FGF12: variants seen among roughly 807,000 people sequenced by gnomAD.
FGF12 encodes fibroblast growth factor 12B.
A neutral mutation model predicts 23.6 loss-of-function variants in FGF12; 14 were observed. That is an observed-to-expected ratio of 0.59 (90% CI 0.39 to 0.93). FGF12 has a LOEUF of 0.93. FGF12 is among the 40% of genes least tolerant of loss of function. The pLI, the probability that FGF12 is intolerant of heterozygous loss-of-function variation, is 0.00. For synonymous variants in FGF12, 62 were observed against 77.3 expected (o/e 0.80, Z 1.04); for missense variants, 175 against 217.8 (o/e 0.80, Z 1.24).
chr3:192,341,535 A>G, intron 3 of FGF12, among the ~76,000 whole-genome samples: 1 of 152,152 alleles, frequency 6.6e-6, no homozygotes, highest in South Asian at 2.1e-4. Flanking sequence ...ATATTTTCTC[A>G]GTCTAAATAC....
At chr3:192,189,269 A>G (rs1269475791) in intron 4 of FGF12, among the ~76,000 whole-genome samples, 1 of 152,202 alleles carries the variant, frequency 6.6e-6, no homozygotes, top group Non-Finnish European at 1.5e-5. Context: ...AGACAATATT[A>G]ATTAGATAAT....
intron 4 of FGF12, among the ~76,000 whole-genome samples, chr3:192,309,688 G>A (rs749798928): frequency 6.6e-6 from 1 of 152,158 alleles, no homozygotes; most frequent in Admixed American, 6.5e-5. Flanking sequence ...GATAAATAAC[G>A]ATGACAGAGA....
At chr3:192,497,765 A>T (rs889045712) in intron 2 of FGF12, among the ~76,000 whole-genome samples, 2 of 152,134 alleles carry the variant, frequency 1.3e-5, no homozygotes, top group African/African-American at 4.8e-5. Flanking sequence ...AAACTGCTCT[A>T]TCCAAAGAGT....
chr3:192,396,330 A>G (rs1720516258), intron 2 of FGF12, among the ~76,000 whole-genome samples: 1 of 152,198 alleles, frequency 6.6e-6, no homozygotes, highest in African/African-American at 2.4e-5. Flanking sequence ...ATATACAAAT[A>G]CTCAATGGGT....
chr3:192,465,251 T>C (rs1008338213), intron 2 of FGF12, among the ~76,000 whole-genome samples: 2 of 152,204 alleles, frequency 1.3e-5, no homozygotes. Context: ...AAGACTTAAC[T>C]TTTCAAAGAA....
At chr3:192,255,024 G>A (rs1712296809) in intron 4 of FGF12, among the ~76,000 whole-genome samples, 1 of 151,960 alleles carries the variant, frequency 6.6e-6, no homozygotes, top group South Asian at 2.1e-4. Flanking sequence ...TATTAACTTA[G>A]GAGGCACACT....
At chr3:192,269,023 T>A (rs558362261) in intron 4 of FGF12, among the ~76,000 whole-genome samples, 1 of 152,142 alleles carries the variant, frequency 6.6e-6, no homozygotes, top group African/African-American at 2.4e-5. Context: ...CAAGTGATTC[T>A]CCTGCCTCAG....
intron 2 of FGF12, among the ~76,000 whole-genome samples, chr3:192,564,212 C>T (rs914277132): frequency 3.3e-5 from 5 of 151,968 alleles, no homozygotes; most frequent in South Asian, 2.1e-4. Context: ...TACAGGCGCC[C>T]GCCACCATGC....
At chr3:192,531,522 C>G (rs1725089571) in intron 2 of FGF12, among the ~76,000 whole-genome samples, 1 of 151,956 alleles carries the variant, frequency 6.6e-6, no homozygotes, top group South Asian at 2.1e-4. Flanking sequence ...CTAGTACATT[C>G]CGAAAAAAGA....
intron 4 of FGF12, among the ~76,000 whole-genome samples, chr3:192,239,580 G>A (rs560189159): frequency 2.0e-5 from 3 of 152,292 alleles, no homozygotes; most frequent in East Asian, 3.9e-4. Context: ...GCGGGTGAGT[G>A]AGCACTACTG....
chr3:192,170,990 C>A (rs780333238), intron 4 of FGF12, among the ~76,000 whole-genome samples: 7 of 152,120 alleles, frequency 4.6e-5, no homozygotes, highest in Non-Finnish European at 1.0e-4. Flanking sequence ...ATTTACTCAC[C>A]CTTAACATGT....
At chr3:192,445,094 T>G (rs1722313284) in intron 2 of FGF12, among the ~76,000 whole-genome samples, 1 of 152,260 alleles carries the variant, frequency 6.6e-6, no homozygotes, top group African/African-American at 2.4e-5. Flanking sequence ...CATTAAATCT[T>G]TCCTGAAGAA....
At chr3:192,373,549 T>G (rs770475662) in intron 2 of FGF12, among the ~76,000 whole-genome samples, 41 of 152,352 alleles carry the variant, frequency 2.7e-4, no homozygotes, top group Non-Finnish European at 5.1e-4. Flanking sequence ...CTAGACAAAC[T>G]ATATTAATAC....
At chr3:192,235,988 G>C (rs910917133) in intron 4 of FGF12, among the ~76,000 whole-genome samples, 1 of 152,062 alleles carries the variant, frequency 6.6e-6, no homozygotes, top group Admixed American at 6.6e-5. Context: ...GCTTGATGTA[G>C]GCATTTCATG....
chr3:192,378,948 C>G (rs537503951), intron 2 of FGF12, among the ~76,000 whole-genome samples: 1 of 152,198 alleles, frequency 6.6e-6, no homozygotes, highest in East Asian at 1.9e-4. Flanking sequence ...ATCTGTTGTT[C>G]CTTTCTTTGT....
At chr3:192,274,593 A>AAGAGAGAG (rs137930372) in intron 4 of FGF12, among the ~76,000 whole-genome samples, 2 of 151,344 alleles carry the variant, frequency 1.3e-5, no homozygotes, top group East Asian at 2.0e-4. Flanking sequence ...GAAGAGGGGA[A>AAGAGAGAG]AGAGAGAGAG....
intron 2 of FGF12, among the ~76,000 whole-genome samples, chr3:192,611,069 C>T (rs751389275): frequency 2.4e-4 from 36 of 152,028 alleles, no homozygotes; most frequent in Non-Finnish European, 4.3e-4. Context: ...GTTTTGTCCA[C>T]TAGCATAATC....
chr3:192,556,476 T>G (rs558410220), intron 2 of FGF12, among the ~76,000 whole-genome samples: 13 of 152,198 alleles, frequency 8.5e-5, no homozygotes, highest in Admixed American at 3.9e-4. Flanking sequence ...GAGACAACAA[T>G]TATAAATATA....
chr3:192,191,296 C>T (rs1716776765), intron 4 of FGF12, among the ~76,000 whole-genome samples: 1 of 152,088 alleles, frequency 6.6e-6, no homozygotes, highest in African/African-American at 2.4e-5. Context: ...ACTATAATGG[C>T]TGATACATGT....
Sources: allele counts gnomAD v4.1 joint callset (sites outside exome capture counted in the v4.1 genomes callset), GRCh38; gene constraint gnomAD v4.1.1; transcripts MANE v1.5; gene names NCBI Gene and HGNC (gene_info 2026-07-23, HGNC 2026-07-21).